GART: variants seen among roughly 807,000 people sequenced by gnomAD.
GART encodes the protein phosphoribosylglycinamide formyltransferase, phosphoribosylglycinamide synthetase, phosphoribosylaminoimidazole synthetase, also known as trifunctional purine biosynthetic protein adenosine-3.
A neutral mutation model predicts 107.2 loss-of-function variants in GART; 43 were observed. The observed-to-expected ratio is 0.40, with a 90% CI of 0.31 to 0.52. The LOEUF is 0.52. Ranked by LOEUF, GART falls within the 20% of genes least tolerant of loss-of-function variation. GART has a pLI of 0.52. For synonymous variants in GART, 434 were observed against 427.0 expected (o/e 1.02, Z -0.20); for missense variants, 1,107 against 1,206.5 (o/e 0.92, Z 1.22).
At chr21:33,527,558 G>A (rs1194342006) in intron 10 of GART, among the ~76,000 whole-genome samples, 2 of 152,006 alleles carry the variant, frequency 1.3e-5, no homozygotes, top group African/African-American at 2.4e-5. Flanking sequence ...GGAGCACGGA[G>A]AGTGGCCAAA....
chr21:33,525,965 G>A (rs2085066791), intron 10 of GART, among the ~76,000 whole-genome samples: 1 of 150,892 alleles, frequency 6.6e-6, no homozygotes, highest in South Asian at 2.1e-4. Flanking sequence ...CTCCTCCCAG[G>A]TTCACGCCAT....
In GART at chr21:33,534,704, T is replaced by C; in HGVS notation, c.291A>G (p.Thr97=). Residue 97 remains threonine (T), a synonymous_variant, in exon 4 of 22, where the codon ACA becomes ACG. Coordinates refer to ENST00000381815, the MANE Select transcript of GART (RefSeq NM_000819.5). ...RSAGVQCFGP[T]AEAAQLESSK... ...TGGACTCTAACTGAGCCGCTTCTGC[T>C]GTTGGGCCAAAGCATTGCACTCCTG... is the stretch of plus-strand genomic sequence containing the variant. 3 of 1,611,844 alleles carry C rather than the reference T, an allele frequency of 1.9e-6. No individual in the cohort carries two copies. The highest frequency in any genetic ancestry group is 1.1e-5 in the South Asian group (1 of 90,836).
intron 17 of GART, 141 bp from the exon 18 acceptor site, chr21:33,510,061 C>T: frequency 5.6e-6 from 4 of 714,632 alleles, no homozygotes; most frequent in Non-Finnish European, 9.0e-6. Flanking sequence ...ATGAACAACA[C>T]ATTTGTATCA....
intron 12 of GART, 106 bp from the exon 13 acceptor site, chr21:33,521,121 G>C: frequency 2.5e-6 from 2 of 792,238 alleles, no homozygotes; most frequent in Non-Finnish European, 4.1e-6. Context: ...CGGCCTGTGA[G>C]ATGTACTTCT....
chr21:33,507,397 A>G lies in GART; in HGVS notation c.2453-1293T>C, dbSNP rs552953979. Among the ~76,000 whole-genome samples the G allele has an allele frequency of 1.1e-3, 172 of 152,320 alleles. 1 individual carries two copies. Among genetic ancestry groups the G allele is most frequent in the Non-Finnish European group, 1.4e-3 (95 of 68,020 alleles). ...GCAATGATGGTTACCAGAGGCTAGG[A>G]AGGGTAGTGGGAGAGACGGGGAGAG... On this transcript the variant is annotated intron_variant, in intron 18 of 21. Transcript: ENST00000381815.
rs542249825 is a variant in GART at position 33,532,289 on chromosome 21, A to T, written c.528+56T>A. The T allele has an allele frequency of 9.2e-6, 11 of 1,193,198 alleles. No homozygotes were observed. In the African/African-American group the frequency reaches 1.5e-4, roughly 16 times the overall value. The allele number at this position is 1,193,198 out of a possible 1,614,324, so 73.9% of individuals were successfully genotyped here. On this transcript the variant is annotated intron_variant, in intron 5 of 21. Coordinates refer to ENST00000381815, the MANE Select transcript of GART (RefSeq NM_000819.5). ...GTGAGGAACATTTTTTAAACTTAAA[A>T]CGGTATTTATTCAGTATGAATAGAA...
intron 1 of GART, among the ~76,000 whole-genome samples, chr21:33,540,867 G>A (rs1423098026): frequency 6.6e-6 from 1 of 152,038 alleles, no homozygotes; most frequent in African/African-American, 2.4e-5. Flanking sequence ...ATCCTATGAG[G>A]GAGATACTAT....
intron 11 of GART, 73 bp from the exon 12 acceptor site, chr21:33,522,355 C>A: frequency 2.6e-6 from 3 of 1,154,174 alleles, no homozygotes; most frequent in Non-Finnish European, 3.8e-6. Flanking sequence ...TTATTTAAAG[C>A]AGAAGATATC....
At chr21:33,512,145 G>C (rs572099198) in intron 16 of GART, among the ~76,000 whole-genome samples, 2 of 151,792 alleles carry the variant, frequency 1.3e-5, no homozygotes, top group South Asian at 4.2e-4. Context: ...TTAGCTGGGC[G>C]TGGTGGCGCA....
chr21:33,506,066 G>A lies in GART; in HGVS notation c.2491C>T (p.Pro831Ser), dbSNP rs560269221. The change falls in exon 19 of 22, where the codon CCA becomes TCA. Residue 831 changes from proline (P) to serine (S), a missense_variant. By Grantham distance (74) the Pro-to-Ser change is moderately conservative (BLOSUM62 -1). Coordinates refer to ENST00000381815, the MANE Select transcript of GART (RefSeq NM_000819.5). ...LQALIDSTRE[P>S]NSSAQIDIVI... ...ATATCAATTTGTGCAGAGCTATTTG[G>A]TTCCCGAGTACTGTCTATAAGTGCT... The A allele has an allele frequency of 6.1e-5, 98 of 1,614,048 alleles. No individual in the cohort carries two copies. The South Asian group carries it at 9.8e-4, about 16-fold the overall frequency.
At chr21:33,505,088 G>A (rs980963863) in intron 20 of GART, among the ~76,000 whole-genome samples, 1 of 152,220 alleles carries the variant, frequency 6.6e-6, no homozygotes, top group Non-Finnish European at 1.5e-5. Context: ...GAAGAAGGCA[G>A]TAACATAGAT....
intron 19 of GART, 131 bp from the exon 20 acceptor site, chr21:33,505,833 G>A: frequency 7.3e-7 from 1 of 1,371,610 alleles, no homozygotes; most frequent in East Asian, 2.3e-5. Flanking sequence ...TTAAGAAAGG[G>A]ACAGGATGAA....
intron 11 of GART, among the ~76,000 whole-genome samples, chr21:33,523,458 C>A (rs186540174): frequency 1.4e-3 from 215 of 152,168 alleles, no homozygotes; most frequent in Non-Finnish European, 2.4e-3. Context: ...TGAAATAGGT[C>A]ATTTCAATGG....
intron 16 of GART, among the ~76,000 whole-genome samples, chr21:33,512,616 T>C (rs560747204): frequency 6.6e-6 from 1 of 152,228 alleles, no homozygotes; most frequent in Admixed American, 6.5e-5. Flanking sequence ...TGAGACAGGA[T>C]CTGGCTCTGT....
chr21:33,524,653 C>G, intron 11 of GART, 116 bp downstream of exon 11: 1 of 1,488,292 alleles, frequency 6.7e-7, no homozygotes, highest in Non-Finnish European at 8.9e-7. Flanking sequence ...AAGACTGTAT[C>G]ACTCCCACAG....
Position 33,515,280 on chromosome 21 carries a change from T to C in GART, c.2107+1709A>G, listed in dbSNP as rs2084853661. On this transcript the variant is annotated intron_variant, in intron 16 of 21. Transcript: ENST00000381815. ...TTATGTAAACTCCCTCAGTTTCTAC[T>C]CCTTCAAATCAATGTGTATTAGTTG... Among the ~76,000 whole-genome samples, 5 of 152,204 alleles carry C rather than the reference T, an allele frequency of 3.3e-5. No individual in the cohort carries two copies. In the South Asian group the frequency reaches 1.0e-3, roughly 31 times the overall value.
intron 5 of GART, chr21:33,532,089 T>C (rs2085202925): frequency 2.3e-6 from 1 of 431,690 alleles, no homozygotes; most frequent in Non-Finnish European, 4.1e-6. Context: ...TTCTAGAGTC[T>C]GAGGATTTTC....
chr21:33,530,897 C>A lies in GART; in HGVS notation c.598-13G>T. ...TGAAACACAGACACTATAAAGAAAACAAAATAGTCCATTTATGTTAACTGT... is the reference window on the plus strand; with the variant it reads ...TGAAACACAGACACTATAAAGAAAAAAAAATAGTCCATTTATGTTAACTGT... On this transcript the variant is annotated splice_polypyrimidine_tract_variant and intron_variant, in intron 6 of 21. Coordinates refer to ENST00000381815, the MANE Select transcript of GART (RefSeq NM_000819.5). 1 of 1,503,634 alleles carries A rather than the reference C, an allele frequency of 6.7e-7. No individual in the cohort carries two copies. The highest frequency in any genetic ancestry group is 8.8e-7 in the Non-Finnish European group (1 of 1,138,334). 93.1% of individuals were successfully genotyped at this position (1,503,634 alleles called of 1,614,324 possible).
At chr21:33,527,858 C>CA (rs2145733556) in intron 10 of GART, among the ~76,000 whole-genome samples, 1 of 152,242 alleles carries the variant, frequency 6.6e-6, no homozygotes, top group East Asian at 1.9e-4. Flanking sequence ...CTCTGACTCT[C>CA]AGAGAATCTC....
Sources: gnomAD v4.1 joint callset for allele counts (sites outside exome capture counted in the v4.1 genomes callset) on GRCh38, gnomAD v4.1.1 for gene constraint, MANE v1.5 for transcripts, NCBI Gene and HGNC (gene_info 2026-07-23, HGNC 2026-07-21) for gene names.